TMEM108: variants seen among roughly 807,000 people sequenced by gnomAD.
TMEM108 encodes transmembrane protein 108, also known as cancer/testis antigen 124.
A neutral mutation model predicts 35.1 loss-of-function variants in TMEM108; 12 were observed. That is an observed-to-expected ratio of 0.34 (90% CI 0.22 to 0.55). TMEM108 has a LOEUF of 0.55. TMEM108 is among the 20% of genes least tolerant of loss of function. The pLI is 0.89. For synonymous variants in TMEM108, 287 were observed against 308.6 expected, an observed-to-expected ratio of 0.93 and a Z score of 0.73; for missense variants, 680 against 753.3, an observed-to-expected ratio of 0.90 and a Z score of 1.14.
chr3:133,217,107 G>A (rs970255360), intron 2 of TMEM108, among the ~76,000 whole-genome samples: 4 of 151,824 alleles, frequency 2.6e-5, no homozygotes, highest in African/African-American at 9.7e-5. Context: ...GGATCTTTTT[G>A]GTAATAGCCA....
chr3:133,169,519 A>G (rs1195812239), intron 2 of TMEM108, among the ~76,000 whole-genome samples: 2 of 152,252 alleles, frequency 1.3e-5, no homozygotes, highest in South Asian at 2.1e-4. Flanking sequence ...TCTGAGCCTC[A>G]GCCCTAGAGA....
chr3:133,366,499 A>C (rs1303706105), intron 3 of TMEM108, among the ~76,000 whole-genome samples: 1 of 152,198 alleles, frequency 6.6e-6, no homozygotes, highest in African/African-American at 2.4e-5. Context: ...GTTCCGTGAC[A>C]AGCTTCTACA....
At chr3:133,217,616 T>A (rs1199956901) in intron 2 of TMEM108, among the ~76,000 whole-genome samples, 2 of 152,152 alleles carry the variant, frequency 1.3e-5, no homozygotes, top group Middle Eastern at 3.4e-3. Context: ...ATTGGTGACA[T>A]AGTAGTCTAA....
chr3:133,056,560 C>T (rs140445818), intron 2 of TMEM108, among the ~76,000 whole-genome samples: 78 of 152,288 alleles, frequency 5.1e-4, no homozygotes, highest in African/African-American at 1.7e-3. Context: ...AGTATGCATA[C>T]GTGCTTGCTG....
chr3:133,199,725 T>G (rs544777870), intron 2 of TMEM108, among the ~76,000 whole-genome samples: 2 of 152,200 alleles, frequency 1.3e-5, no homozygotes, highest in South Asian at 4.2e-4. Context: ...GTACCCCACT[T>G]GAGGAGGCAG....
intron 2 of TMEM108, among the ~76,000 whole-genome samples, chr3:133,056,415 G>A (rs1023181809): frequency 6.6e-6 from 1 of 151,972 alleles, no homozygotes; most frequent in East Asian, 1.9e-4. Context: ...TGTGACTTTG[G>A]GCAGAATATT....
chr3:133,058,200 A>G (rs370238311), intron 2 of TMEM108, among the ~76,000 whole-genome samples: 1 of 152,354 alleles, frequency 6.6e-6, no homozygotes, highest in South Asian at 2.1e-4. Flanking sequence ...CTTGTGTAAC[A>G]TCAGATATCC....
intron 2 of TMEM108, among the ~76,000 whole-genome samples, chr3:133,055,991 A>G (rs1943460980): frequency 6.6e-6 from 1 of 152,188 alleles, no homozygotes; most frequent in South Asian, 2.1e-4. Context: ...GCAAAATCCC[A>G]TATTAATACA....
chr3:133,331,728 A>G (rs916455255), intron 3 of TMEM108, among the ~76,000 whole-genome samples: 2 of 152,326 alleles, frequency 1.3e-5, no homozygotes, highest in Middle Eastern at 3.4e-3. Flanking sequence ...TCTGTGTTCA[A>G]TGATACACAT....
intron 3 of TMEM108, among the ~76,000 whole-genome samples, chr3:133,256,759 A>G (rs937758641): frequency 6.6e-6 from 1 of 152,238 alleles, no homozygotes; most frequent in African/African-American, 2.4e-5. Flanking sequence ...AAATAGATAT[A>G]GAGAAATCTG....
intron 2 of TMEM108, among the ~76,000 whole-genome samples, chr3:133,099,859 A>C (rs1162997897): frequency 4.6e-5 from 7 of 152,092 alleles, no homozygotes; most frequent in Non-Finnish European, 1.0e-4. Context: ...GAGGCTCCAA[A>C]CTTTCTCACA....
chr3:133,062,079 A>G (rs1559820027), intron 2 of TMEM108, among the ~76,000 whole-genome samples: 1 of 152,226 alleles, frequency 6.6e-6, no homozygotes, highest in Non-Finnish European at 1.5e-5. Context: ...TCTGGATGGC[A>G]GTGTTGGAGA....
At chr3:133,363,195 A>G (rs1388402906) in intron 3 of TMEM108, among the ~76,000 whole-genome samples, 1 of 152,110 alleles carries the variant, frequency 6.6e-6, no homozygotes, top group Non-Finnish European at 1.5e-5. Flanking sequence ...CCCTTAGGGA[A>G]GTACCTCTTA....
intron 5 of TMEM108, among the ~76,000 whole-genome samples, chr3:133,392,743 G>A (rs1708377): frequency 0.33 from 50,119 of 151,910 alleles, 9,035 homozygotes; most frequent in East Asian, 0.42. Flanking sequence ...CTTCTAGTCT[G>A]TCAGAAAATT....
intron 3 of TMEM108, among the ~76,000 whole-genome samples, chr3:133,235,840 T>A (rs1156976639): frequency 2.0e-5 from 3 of 152,116 alleles, no homozygotes; most frequent in Non-Finnish European, 1.5e-5. Flanking sequence ...ATTGACATGA[T>A]CAAGACTGCT....
chr3:133,191,014 GA>G (rs550640714), intron 2 of TMEM108, among the ~76,000 whole-genome samples: 106 of 98,712 alleles, frequency 1.1e-3, no homozygotes, highest in Middle Eastern at 0.011. Context: ...TCTTAGCAAA[GA>G]AAAAAAAAGT....
At chr3:133,104,407 G>A (rs1194394014) in intron 2 of TMEM108, among the ~76,000 whole-genome samples, 1 of 152,134 alleles carries the variant, frequency 6.6e-6, no homozygotes, top group African/African-American at 2.4e-5. Context: ...TCCACTGATG[G>A]CAGAAATCAT....
At chr3:133,245,711 A>C (rs1559880603) in intron 3 of TMEM108, among the ~76,000 whole-genome samples, 1 of 152,244 alleles carries the variant, frequency 6.6e-6, no homozygotes, top group African/African-American at 2.4e-5. Flanking sequence ...AGGTTTCTCA[A>C]GTGGTCCATA....
chr3:133,243,759 G>A (rs536162147), intron 3 of TMEM108, among the ~76,000 whole-genome samples: 114 of 82,248 alleles, frequency 1.4e-3, no homozygotes, highest in Non-Finnish European at 2.3e-3. Flanking sequence ...TCCTGACCTC[G>A]TGATCCACCC....
Sources: gnomAD v4.1 joint callset for allele counts (sites outside exome capture counted in the v4.1 genomes callset) on GRCh38, gnomAD v4.1.1 for gene constraint, MANE v1.5 for transcripts, NCBI Gene and HGNC (gene_info 2026-07-23, HGNC 2026-07-21) for gene names.